DPY19L2: variants seen among roughly 807,000 people sequenced by gnomAD.
DPY19L2 encodes the protein probable C-mannosyltransferase DPY19L2.
In DPY19L2, 34 loss-of-function variants were observed where a neutral mutation model predicts 97.9. The ratio of observed to expected loss-of-function variants is 0.35; its 90% CI spans 0.26 to 0.46. The LOEUF (loss-of-function observed/expected upper bound fraction) is 0.46, where lower values mean the gene tolerates loss of function less well. Ranked by LOEUF, DPY19L2 falls within the 20% of genes least tolerant of loss-of-function variation. The pLI, the probability that DPY19L2 is intolerant of heterozygous loss-of-function variation, is 1.00. For synonymous variants in DPY19L2, 230 were observed against 307.9 expected (o/e 0.75, Z 2.65); for missense variants, 623 against 911.4 (o/e 0.68, Z 4.07).
chr12:63,564,190 T>C (rs751722802), intron 21 of DPY19L2, among the ~76,000 whole-genome samples: 9 of 152,154 alleles, frequency 5.9e-5, no homozygotes, highest in Non-Finnish European at 1.3e-4. Context: ...AATCAGTGTT[T>C]GGTTTTACTG....
intron 11 of DPY19L2, among the ~76,000 whole-genome samples, chr12:63,610,855 A>C (rs1343344116): frequency 4.2e-5 from 4 of 95,672 alleles, no homozygotes; most frequent in African/African-American, 1.4e-4. Flanking sequence ...AAAAAAAAAA[A>C]AAAAAAAAAA....
rs775674673 is a variant in DPY19L2 at position 63,668,085 on chromosome 12, C to T, written c.309G>A (p.Arg103=). 6.2e-7 allele frequency: 1 copy of T among 1,614,040 alleles called. No homozygotes were observed. Among genetic ancestry groups the T allele is most frequent in the Non-Finnish European group, 8.5e-7 (1 of 1,179,974 alleles). The change falls in exon 1 of 22, where the codon CGG becomes CGA. Residue 103 remains arginine, a synonymous_variant. Coordinates refer to ENST00000324472, the MANE Select transcript of DPY19L2 (RefSeq NM_173812.5). ...TGCCGAGAGTGGTTCTGCTGGAGAA[C>T]CGCCGCGCCTGCAGTTCCTGCACCT... The part of the protein sequence containing the change: ...REKVQELQAR[R]FSSRTTLGIA...
At chr12:63,649,282 A>G (rs540802739) in intron 4 of DPY19L2, among the ~76,000 whole-genome samples, 2 of 152,282 alleles carry the variant, frequency 1.3e-5, no homozygotes, top group Non-Finnish European at 2.9e-5. Flanking sequence ...GAAAAATAAG[A>G]GCAAACCAAC....
chr12:63,560,636 C>T lies in DPY19L2; in HGVS notation c.2153G>A (p.Trp718Ter). Residue 718 changes from tryptophan (W) to a stop codon, truncating the protein, a stop_gained, in exon 22 of 22, where the codon TGG (tryptophan) becomes TAG (stop). Coordinates refer to ENST00000324472, the MANE Select transcript of DPY19L2 (RefSeq NM_173812.5). LOFTEE classifies it low-confidence loss of function (END_TRUNC). Reference sequence around the variant, plus strand: ...TGCATTGGAAGGGTCTTCCACATCCCAGATTTCAAGCATACTGCAACCAGG... The same window carrying T: ...TGCATTGGAAGGGTCTTCCACATCCTAGATTTCAAGCATACTGCAACCAGG... ...TKPGCSMLEI[W>*]DVEDPSNAAN... The T allele has an allele frequency of 1.2e-6, 2 of 1,613,926 alleles. No individual in the cohort carries two copies. The highest frequency in any genetic ancestry group is 1.7e-6 in the Non-Finnish European group (2 of 1,179,924).
At chr12:63,643,662 G>T (rs565255644) in intron 6 of DPY19L2, among the ~76,000 whole-genome samples, 41 of 152,240 alleles carry the variant, frequency 2.7e-4, no homozygotes, top group African/African-American at 9.6e-4. Context: ...AGGATGGTAG[G>T]CCAGATATAT....
At chr12:63,611,794 C>G (rs1292025301) in intron 11 of DPY19L2, among the ~76,000 whole-genome samples, 2 of 151,936 alleles carry the variant, frequency 1.3e-5, no homozygotes, top group Non-Finnish European at 2.9e-5. Context: ...TTTCAAGCAG[C>G]CCCATATGCA....
At chr12:63,633,979 C>T (rs1236631438) in intron 6 of DPY19L2, among the ~76,000 whole-genome samples, 3 of 151,822 alleles carry the variant, frequency 2.0e-5, no homozygotes, top group African/African-American at 7.3e-5. Flanking sequence ...AACCAAACAC[C>T]GCATGTTCTC....
intron 19 of DPY19L2, among the ~76,000 whole-genome samples, chr12:63,575,676 C>T (rs576596482): frequency 6.6e-6 from 1 of 151,846 alleles, no homozygotes; most frequent in South Asian, 2.1e-4. Context: ...AACTGTATGC[C>T]AATAAATCGG....
intron 16 of DPY19L2, among the ~76,000 whole-genome samples, chr12:63,591,987 AAGGGAAGG>A (rs1883051007): frequency 2.0e-5 from 1 of 49,476 alleles, no homozygotes; most frequent in African/African-American, 1.1e-4. Flanking sequence ...AGGGGAAGGG[AAGGGAAGG>A]GAGGGGAAGG....
chr12:63,641,386 A>G (rs60186804), intron 6 of DPY19L2, among the ~76,000 whole-genome samples: 25,361 of 151,890 alleles, frequency 0.17, 2,205 homozygotes, highest in Middle Eastern at 0.22. Flanking sequence ...TAGTCGCCAT[A>G]TAATTAACTG....
chr12:63,630,405 G>A (rs1205984679), intron 6 of DPY19L2, among the ~76,000 whole-genome samples: 1 of 151,928 alleles, frequency 6.6e-6, no homozygotes, highest in Non-Finnish European at 1.5e-5. Context: ...AAAAAAGGCA[G>A]GGGTTGCAAT....
intron 21 of DPY19L2, among the ~76,000 whole-genome samples, chr12:63,563,238 C>T (rs1251482402): frequency 6.6e-6 from 1 of 152,096 alleles, no homozygotes; most frequent in African/African-American, 2.4e-5. Flanking sequence ...TTCTTCCTAA[C>T]ACTGTTTATA....
intron 1 of DPY19L2, among the ~76,000 whole-genome samples, chr12:63,667,803 T>C (rs1896504272): frequency 6.6e-6 from 1 of 152,074 alleles, no homozygotes; most frequent in Admixed American, 6.5e-5. Context: ...TCTTGATCCT[T>C]CCCCTCAGCC....
chr12:63,635,356 T>G (rs1229288751), intron 6 of DPY19L2, among the ~76,000 whole-genome samples: 1 of 152,028 alleles, frequency 6.6e-6, no homozygotes, highest in Non-Finnish European at 1.5e-5. Context: ...AAGCTGAAAA[T>G]TCTAAAAACC....
At position 63,617,338 on chromosome 12, in the gene DPY19L2, G is replaced by T. The variant is rs775056921; in HGVS notation, c.1184C>A (p.Ser395Tyr). Residue 395 changes from serine to tyrosine, a missense_variant, in exon 11 of 22, where the codon TCT (serine) becomes TAT (tyrosine). Physicochemically the swap from Ser to Tyr is moderately radical, Grantham distance 144. Coordinates refer to ENST00000324472, the MANE Select transcript of DPY19L2 (RefSeq NM_173812.5). ...TAACAAAGATGAAGAATAATAAGAA[G>T]ATAAGTACATTGAATTTCCAAACAT... ...ILMFGNSMYL[S>Y]SYYSSSLLMT... The T allele has an allele frequency of 1.9e-6, 3 of 1,594,746 alleles. No homozygotes were observed. The highest frequency in any genetic ancestry group is 2.6e-6 in the Non-Finnish European group (3 of 1,166,250).
chr12:63,607,097 A>AT (rs1243785415), intron 12 of DPY19L2, among the ~76,000 whole-genome samples: 9 of 152,064 alleles, frequency 5.9e-5, no homozygotes, highest in African/African-American at 7.2e-5. Context: ...CCTTCCTTAG[A>AT]TTTTTTGTTT....
intron 4 of DPY19L2, among the ~76,000 whole-genome samples, chr12:63,653,735 T>C (rs535528931): frequency 2.0e-5 from 3 of 152,040 alleles, no homozygotes; most frequent in Non-Finnish European, 2.9e-5. Flanking sequence ...ACTTTGAACA[T>C]TATACTTTGA....
chr12:63,570,678 T>G, intron 20 of DPY19L2, 80 bp downstream of exon 20: 1 of 1,156,980 alleles, frequency 8.6e-7, no homozygotes, highest in Non-Finnish European at 1.3e-6. Context: ...TGTGTGTGTG[T>G]GTGTGTGTAA....
At chr12:63,639,259 A>C (rs1251130179) in intron 6 of DPY19L2, among the ~76,000 whole-genome samples, 1 of 152,100 alleles carries the variant, frequency 6.6e-6, no homozygotes, top group East Asian at 1.9e-4. Context: ...CCCTAGAAGA[A>C]AACCTAGGCC....
Sources: gnomAD v4.1 joint callset for allele counts (sites outside exome capture counted in the v4.1 genomes callset) on GRCh38, gnomAD v4.1.1 for gene constraint, MANE v1.5 for transcripts, NCBI Gene and HGNC (gene_info 2026-07-23, HGNC 2026-07-21) for gene names.